Variants in WWOX observed in about 807,000 individuals in gnomAD.
WWOX encodes WW domain-containing oxidoreductase.
In WWOX, 69 loss-of-function variants were observed where a neutral mutation model predicts 46.2. The ratio of observed to expected loss-of-function variants is 1.49; its 90% CI spans 1.23 to 1.82. The LOEUF (loss-of-function observed/expected upper bound fraction) is 1.82. Ranked by LOEUF, WWOX falls within the 40% of genes most tolerant of loss-of-function variation. The pLI, the probability that WWOX is intolerant of heterozygous loss-of-function variation, is 0.00. For synonymous variants in WWOX, 359 were observed against 202.6 expected, an observed-to-expected ratio of 1.77 and a Z score of -6.56; for missense variants, 919 against 542.6, an observed-to-expected ratio of 1.69 and a Z score of -6.89.
At chr16:79,002,963 T>C (rs1007447897) in intron 8 of WWOX, among the ~76,000 whole-genome samples, 1 of 152,098 alleles carries the variant, frequency 6.6e-6, no homozygotes, top group African/African-American at 2.4e-5. Context: ...GAAAGAAAAA[T>C]GATATCGCTC....
At chr16:78,266,820 C>CTCTCTG (rs2079374614) in intron 5 of WWOX, among the ~76,000 whole-genome samples, 1 of 150,608 alleles carries the variant, frequency 6.6e-6, no homozygotes, top group African/African-American at 2.5e-5. Flanking sequence ...CTCTCTCTCT[C>CTCTCTG]TCTCTGTCTC....
At chr16:79,000,207 T>C (rs1054266485) in intron 8 of WWOX, among the ~76,000 whole-genome samples, 1 of 152,296 alleles carries the variant, frequency 6.6e-6, no homozygotes, top group Non-Finnish European at 1.5e-5. Flanking sequence ...CGGCACGTCA[T>C]TGGCAGCTCA....
intron 8 of WWOX, among the ~76,000 whole-genome samples, chr16:79,163,319 C>G (rs183228358): frequency 6.6e-6 from 1 of 152,138 alleles, no homozygotes; most frequent in African/African-American, 2.4e-5. Flanking sequence ...CGTGGTGGAG[C>G]TATGTACTAA....
At chr16:78,545,205 G>A (rs1381486328) in intron 8 of WWOX, among the ~76,000 whole-genome samples, 1 of 152,158 alleles carries the variant, frequency 6.6e-6, no homozygotes, top group Non-Finnish European at 1.5e-5. Flanking sequence ...GGGAGTGACT[G>A]CAAGGGTCAA....
chr16:79,060,558 C>G (rs1218709755), intron 8 of WWOX, among the ~76,000 whole-genome samples: 2 of 152,324 alleles, frequency 1.3e-5, no homozygotes, highest in African/African-American at 4.8e-5. Context: ...CAAGATTGCT[C>G]CCTTCTAAGG....
At chr16:78,855,159 G>A (rs2052538056) in intron 8 of WWOX, among the ~76,000 whole-genome samples, 1 of 152,168 alleles carries the variant, frequency 6.6e-6, no homozygotes, top group Non-Finnish European at 1.5e-5. Flanking sequence ...TTTGAAAGGT[G>A]GGTGAGGAGA....
chr16:79,195,531 G>GA (rs2150817988), intron 8 of WWOX, among the ~76,000 whole-genome samples: 1 of 152,264 alleles, frequency 6.6e-6, no homozygotes, highest in Non-Finnish European at 1.5e-5. Flanking sequence ...CAGAATGGGG[G>GA]ATCTCAGCAG....
intron 5 of WWOX, among the ~76,000 whole-genome samples, chr16:78,337,626 T>C (rs1288642604): frequency 6.6e-6 from 1 of 152,184 alleles, no homozygotes; most frequent in African/African-American, 2.4e-5. Flanking sequence ...GTTTCACGCC[T>C]CTAAAAGTCC....
At chr16:78,361,775 C>G (rs1217071218) in intron 5 of WWOX, among the ~76,000 whole-genome samples, 1 of 152,010 alleles carries the variant, frequency 6.6e-6, no homozygotes, top group Non-Finnish European at 1.5e-5. Flanking sequence ...CCATGCCCAG[C>G]TAATTTTTAT....
chr16:78,519,598 C>T (rs116531908), intron 8 of WWOX, among the ~76,000 whole-genome samples: 391 of 152,032 alleles, frequency 2.6e-3, no homozygotes, highest in African/African-American at 9.1e-3. Context: ...AGGTTAAAAT[C>T]CTAATCCTCA....
intron 8 of WWOX, among the ~76,000 whole-genome samples, chr16:78,561,350 C>T (rs1038227578): frequency 3.3e-5 from 5 of 152,270 alleles, no homozygotes; most frequent in African/African-American, 1.2e-4. Flanking sequence ...TGCTTTGAAT[C>T]TCTCTGACTT....
intron 8 of WWOX, among the ~76,000 whole-genome samples, chr16:78,959,944 C>G (rs1177599925): frequency 6.6e-6 from 1 of 152,112 alleles, no homozygotes; most frequent in South Asian, 2.1e-4. Flanking sequence ...TCATTTGCAA[C>G]CAAGGTTGAG....
intron 5 of WWOX, among the ~76,000 whole-genome samples, chr16:78,228,340 T>TC (rs200527527): frequency 0.21 from 2,147 of 10,390 alleles, 47 homozygotes; most frequent in African/African-American, 0.38. Context: ...ATATTCTCTC[T>TC]TTTTTTTTTT....
At chr16:78,902,518 G>A (rs929393671) in intron 8 of WWOX, among the ~76,000 whole-genome samples, 1 of 152,228 alleles carries the variant, frequency 6.6e-6, no homozygotes, top group Admixed American at 6.5e-5. Flanking sequence ...TTAGACTGCG[G>A]CTTTCCAGGC....
chr16:78,943,762 C>A (rs1340445379), intron 8 of WWOX, among the ~76,000 whole-genome samples: 1 of 152,162 alleles, frequency 6.6e-6, no homozygotes, highest in African/African-American at 2.4e-5. Flanking sequence ...CCTGCAACTC[C>A]TTCTGGATCC....
intron 8 of WWOX, among the ~76,000 whole-genome samples, chr16:78,548,585 ACAT>A (rs759027444): frequency 3.9e-5 from 6 of 152,170 alleles, no homozygotes; most frequent in Non-Finnish European, 8.8e-5. Flanking sequence ...ATCAATTTAA[ACAT>A]CATCTCTCAA....
rs188721469 is a variant in WWOX at position 78,300,660 on chromosome 16, G to T, written c.517-86200G>T. Among the ~76,000 whole-genome samples, 605 of 152,076 alleles carry T rather than the reference G, an allele frequency of 4.0e-3. 4 individuals are homozygous for T. Among genetic ancestry groups the T allele is most frequent in the Admixed American group, 7.9e-3 (121 of 15,276 alleles). ...TTCGGGAAATGATTCATTACTTTAT[G>T]ATTTCAATTCAGTAACCATTTTCAG... On this transcript the variant is annotated intron_variant, in intron 5 of 8. Transcript: ENST00000566780.
At chr16:78,618,581 T>G (rs1354829452) in intron 8 of WWOX, among the ~76,000 whole-genome samples, 1 of 152,168 alleles carries the variant, frequency 6.6e-6, no homozygotes, top group Non-Finnish European at 1.5e-5. Context: ...CCAAACACAG[T>G]CACATTGTGA....
intron 8 of WWOX, among the ~76,000 whole-genome samples, chr16:79,181,301 T>G (rs539939922): frequency 6.6e-6 from 1 of 152,376 alleles, no homozygotes; most frequent in African/African-American, 2.4e-5. Flanking sequence ...TACTGCTCTG[T>G]GCTGTGGAGT....
Sources: gnomAD v4.1 joint callset for allele counts (sites outside exome capture counted in the v4.1 genomes callset) on GRCh38, gnomAD v4.1.1 for gene constraint, MANE v1.5 for transcripts, NCBI Gene and HGNC (gene_info 2026-07-23, HGNC 2026-07-21) for gene names.